The following PABPC4L variants were observed in gnomAD, a reference collection of about 807,000 sequenced individuals.
PABPC4L encodes poly(A) binding protein cytoplasmic 4 like.
For synonymous variants in PABPC4L, 169 were observed against 164.1 expected, an observed-to-expected ratio of 1.03 and a Z score of -0.23; for missense variants, 452 against 451.4, an observed-to-expected ratio of 1.00 and a Z score of -0.01.
At chr4:134,144,428 C>T in the PABPC4L span, among the ~76,000 whole-genome samples, 1 of 151,418 alleles carries the variant, frequency 6.6e-6, no homozygotes, top group African/African-American at 2.4e-5. Flanking sequence ...TTACAAACTA[C>T]ACTTTAAAAG....
the PABPC4L span, among the ~76,000 whole-genome samples, chr4:133,948,498 C>T: frequency 5.9e-5 from 9 of 152,162 alleles, no homozygotes; most frequent in African/African-American, 2.2e-4. Flanking sequence ...GAGAGTTCTC[C>T]CATGGGCTTA....
At chr4:134,183,896 A>C in the PABPC4L span, among the ~76,000 whole-genome samples, 1 of 151,580 alleles carries the variant, frequency 6.6e-6, no homozygotes. Flanking sequence ...GATTGCAATA[A>C]AATCCCTAAA....
chr4:133,951,520 G>A, the PABPC4L span, among the ~76,000 whole-genome samples: 3 of 152,158 alleles, frequency 2.0e-5, no homozygotes, highest in African/African-American at 7.2e-5. Flanking sequence ...GGCAGCTACT[G>A]CTGGCACACA....
the PABPC4L span, among the ~76,000 whole-genome samples, chr4:134,040,937 A>C: frequency 6.6e-6 from 1 of 152,200 alleles, no homozygotes; most frequent in Non-Finnish European, 1.5e-5. Context: ...ACTTCTCAAA[A>C]GAAGACATTT....
chr4:133,970,262 T>C, the PABPC4L span, among the ~76,000 whole-genome samples: 7 of 152,052 alleles, frequency 4.6e-5, no homozygotes, highest in Non-Finnish European at 8.8e-5. Flanking sequence ...GGCCAATTTC[T>C]TTTTAGTGTT....
the PABPC4L span, among the ~76,000 whole-genome samples, chr4:134,104,705 A>G: frequency 6.6e-6 from 1 of 151,610 alleles, no homozygotes; most frequent in South Asian, 2.1e-4. Flanking sequence ...TCCTTTTCTC[A>G]GGTCAGCTTC....
the PABPC4L span, among the ~76,000 whole-genome samples, chr4:134,062,458 C>T: frequency 6.6e-6 from 1 of 151,906 alleles, no homozygotes; most frequent in Non-Finnish European, 1.5e-5. Flanking sequence ...AAAGGCAAGT[C>T]TCTTATTCAT....
the PABPC4L span, among the ~76,000 whole-genome samples, chr4:133,965,138 G>T: frequency 6.6e-6 from 1 of 152,004 alleles, no homozygotes; most frequent in African/African-American, 2.4e-5. Context: ...TACAAGATTA[G>T]TGTACACAAA....
the PABPC4L span, among the ~76,000 whole-genome samples, chr4:134,048,750 T>C: frequency 1.3e-5 from 2 of 152,248 alleles, no homozygotes; most frequent in East Asian, 1.9e-4. Context: ...CAATTTTATG[T>C]ATCAAAGTTA....
chr4:133,997,296 G>A, the PABPC4L span, among the ~76,000 whole-genome samples: 2 of 152,090 alleles, frequency 1.3e-5, no homozygotes, highest in Non-Finnish European at 2.9e-5. Context: ...CAGAAGCTAG[G>A]CCCCTTGTGA....
the PABPC4L span, among the ~76,000 whole-genome samples, chr4:134,014,260 A>G: frequency 2.1e-3 from 322 of 152,270 alleles, 1 homozygote; most frequent in African/African-American, 7.3e-3. Context: ...AATTAACCTC[A>G]CCTTCAAGGT....
At chr4:133,953,173 G>A in the PABPC4L span, among the ~76,000 whole-genome samples, 1 of 151,990 alleles carries the variant, frequency 6.6e-6, no homozygotes, top group Non-Finnish European at 1.5e-5. Context: ...AAATGTCCTG[G>A]TTTTCCAAAT....
At chr4:134,112,622 C>CTATA in the PABPC4L span, among the ~76,000 whole-genome samples, 2 of 146,164 alleles carry the variant, frequency 1.4e-5, no homozygotes, top group African/African-American at 2.6e-5. Context: ...ATCTATATAT[C>CTATA]TATCTATATA....
the PABPC4L span, among the ~76,000 whole-genome samples, chr4:133,974,194 A>T: frequency 6.6e-6 from 1 of 152,298 alleles, no homozygotes; most frequent in East Asian, 1.9e-4. Flanking sequence ...GAATGTCCAA[A>T]AAAACCCCTC....
chr4:134,076,713 A>G, the PABPC4L span, among the ~76,000 whole-genome samples: 26 of 152,234 alleles, frequency 1.7e-4, no homozygotes, highest in African/African-American at 6.3e-4. Flanking sequence ...TTGTCAGGTA[A>G]GCAACTGAGC....
At chr4:134,038,956 AT>A in the PABPC4L span, among the ~76,000 whole-genome samples, 1 of 152,132 alleles carries the variant, frequency 6.6e-6, no homozygotes, top group South Asian at 2.1e-4. Flanking sequence ...TCTTGTAGGC[AT>A]TTAGTGCTAT....
chr4:133,982,481 T>C, the PABPC4L span, among the ~76,000 whole-genome samples: 2 of 152,016 alleles, frequency 1.3e-5, no homozygotes, highest in East Asian at 1.9e-4. Flanking sequence ...TAATTAAGCC[T>C]CTAGTGCATT....
At chr4:134,152,188 A>C in the PABPC4L span, among the ~76,000 whole-genome samples, 3 of 152,060 alleles carry the variant, frequency 2.0e-5, no homozygotes, top group Admixed American at 6.6e-5. Context: ...GATAAAAATG[A>C]ATAATAATAT....
chr4:134,133,123 TATC>T, the PABPC4L span, among the ~76,000 whole-genome samples: 1 of 16,604 alleles, frequency 6.0e-5, no homozygotes, highest in Admixed American at 1.1e-3. Context: ...TTATATAATA[TATC>T]ATATTACATA....
Sources: allele counts gnomAD v4.1 joint callset (sites outside exome capture counted in the v4.1 genomes callset), GRCh38; gene constraint gnomAD v4.1.1; transcripts MANE v1.5; gene names NCBI Gene and HGNC (gene_info 2026-07-23, HGNC 2026-07-21).